PKLR: variants seen among roughly 807,000 people sequenced by gnomAD.
PKLR encodes pyruvate kinase L/R.
A neutral mutation model predicts 53.6 loss-of-function variants in PKLR; 38 were observed. The observed-to-expected ratio is 0.71, with a 90% CI of 0.55 to 0.93. The LOEUF (loss-of-function observed/expected upper bound fraction) is 0.93, where lower values mean the gene tolerates loss of function less well. PKLR is among the 40% of genes least tolerant of loss of function. The pLI, the probability that PKLR is intolerant of heterozygous loss-of-function variation, is 0.00. For missense variants in PKLR, 702 were observed against 787.3 expected (o/e 0.89, Z 1.30); for synonymous variants, 328 against 316.2 (o/e 1.04, Z -0.39).
intron 2 of PKLR, among the ~76,000 whole-genome samples, chr1:155,299,003 T>TTTC (rs1491287078): frequency 6.0e-5 from 6 of 100,754 alleles, no homozygotes; most frequent in Non-Finnish European, 1.1e-4. Flanking sequence ...TCTTTCTTTC[T>TTTC]TTCTTTCTTT....
In PKLR at chr1:155,293,354, C is replaced by T. The variant is rs1647339680; in HGVS notation, c.1270-11G>A. 1.2e-6 allele frequency: 2 copies of T among 1,614,228 alleles called. No homozygotes were observed. The highest frequency in any genetic ancestry group is 3.3e-5 in the Admixed American group (2 of 60,024). ...TGCCTCCCGGGCAATCTGCAGGTGC[C>T]AGAATGTTAGTCTGGGAAGGGGCAC... On this transcript the variant is annotated splice_polypyrimidine_tract_variant and intron_variant, in intron 8 of 10. Coordinates refer to ENST00000342741, the MANE Select transcript of PKLR (RefSeq NM_000298.6). This position sits in a 1 kb window ranked among gnomAD's most constrained non-coding sequence, Gnocchi z 4.2.
In PKLR at chr1:155,301,390, C is replaced by A. The variant is rs139697646; in HGVS notation, c.6G>T (p.Ser2=). The stretch of plus-strand genomic sequence containing the variant: ...GCAGGGATGATATGTTCTCCTGGAT[C>A]GACATGCTTTCAGTGTGGGCCTGGG... M[S]IQENISSLQL... The change falls in exon 1 of 11, where the codon TCG becomes TCT. Residue 2 remains serine (S), a synonymous_variant. Transcript: ENST00000342741. The A allele has an allele frequency of 6.8e-6, 11 of 1,613,822 alleles. No homozygotes were observed. Among genetic ancestry groups the A allele is most frequent in the Non-Finnish European group, 8.5e-6 (10 of 1,179,940 alleles).
At chr1:155,297,690 G>A (rs1343182165) in intron 2 of PKLR, among the ~76,000 whole-genome samples, 3 of 151,906 alleles carry the variant, frequency 2.0e-5, no homozygotes, top group Non-Finnish European at 2.9e-5. Context: ...CATTTCACTC[G>A]GAGGAAAACG....
chr1:155,297,373 C>T (rs1186898521), intron 2 of PKLR, among the ~76,000 whole-genome samples: 3 of 152,050 alleles, frequency 2.0e-5, no homozygotes, highest in Non-Finnish European at 4.4e-5. Flanking sequence ...ATGCATCGTT[C>T]CAGTTCCTTA....
In PKLR at chr1:155,293,781, A is replaced by G. The variant is rs867429139; in HGVS notation, c.1117-191T>C. Among the ~76,000 whole-genome samples the G allele has an allele frequency of 1.2e-4, 18 of 152,164 alleles. No individual in the cohort carries two copies. The highest frequency in any genetic ancestry group is 4.1e-4 in the African/African-American group (17 of 41,430). ...TCACAACCCCTGAAAATAGGGGTCAAAGTATATTTAACTTTGTCGTTTGAG... is the reference window on the plus strand; with the variant it reads ...TCACAACCCCTGAAAATAGGGGTCAGAGTATATTTAACTTTGTCGTTTGAG... On this transcript the variant is annotated intron_variant, in intron 7 of 10. Coordinates refer to ENST00000342741, the MANE Select transcript of PKLR (RefSeq NM_000298.6). The surrounding 1 kb of genome is among the most constrained non-coding windows in gnomAD (Gnocchi z 4.2).
At position 155,295,739 on chromosome 1, in the gene PKLR, C is replaced by A. The variant is rs143984223; in HGVS notation, c.301G>T (p.Val101Leu). The change falls in exon 3 of 11, where the codon GTG becomes TTG. Residue 101 changes from valine (V) to leucine (L), a missense_variant. By Grantham distance (32) the Val-to-Leu change is conservative. Around this residue, in one of 2 missense-constraint regions of PKLR, gnomAD observed 519 missense variants for 537.1 expected, o/e 0.97. Coordinates refer to ENST00000342741, the MANE Select transcript of PKLR (RefSeq NM_000298.6). This position sits in a 1 kb window ranked among gnomAD's most constrained non-coding sequence, Gnocchi z 4.3. Reference protein sequence around the residue: ...IATIGPASRSVERLKEMIKAG... With the variant: ...IATIGPASRSLERLKEMIKAG... ...TTGATCATCTCCTTGAGGCGCTCCA[C>A]GGAGCGAGATGCTGGCCCTAGAACC... 14 of 1,613,668 alleles carry A rather than the reference C, an allele frequency of 8.7e-6. No individual in the cohort carries two copies. The highest frequency in any genetic ancestry group is 1.2e-5 in the Non-Finnish European group (14 of 1,179,714).
chr1:155,302,846 A>C (rs1222092464), upstream of PKLR, among the ~76,000 whole-genome samples: 1 of 151,954 alleles, frequency 6.6e-6, no homozygotes, highest in Non-Finnish European at 1.5e-5. Context: ...CTACTTTTTA[A>C]ATTTTTATTT....
In PKLR at chr1:155,293,326, C is replaced by G. The variant is rs1408937465; in HGVS notation, c.1287G>C (p.Glu429Asp). The change falls in exon 9 of 11, where the codon GAG becomes GAC. Residue 429 changes from glutamate to aspartate, a missense_variant. Around this residue, in one of 2 missense-constraint regions of PKLR, gnomAD observed 183 missense variants for 250.2 expected, o/e 0.73. Coordinates refer to ENST00000342741, the MANE Select transcript of PKLR (RefSeq NM_000298.6). This position sits in a 1 kb window ranked among gnomAD's most constrained non-coding sequence, Gnocchi z 4.2. ...KMQHAIAREA[E>D]AAVYHRQLFE... is the part of the protein sequence containing the mutation. Reference sequence around the variant, plus strand: ...ACAGCTGCCGGTGGTACACTGCGGCCTCTGCCTCCCGGGCAATCTGCAGGT... The same window carrying G: ...ACAGCTGCCGGTGGTACACTGCGGCGTCTGCCTCCCGGGCAATCTGCAGGT... The G allele has an allele frequency of 6.2e-7, 1 of 1,614,136 alleles. No homozygotes were observed. Among genetic ancestry groups the G allele is most frequent in the Non-Finnish European group, 8.5e-7 (1 of 1,180,052 alleles).
rs1396216541 is a variant in PKLR, at chr1:155,295,145, C to A, written c.665G>T (p.Gly222Val). 6.2e-7 allele frequency: 1 copy of A among 1,614,120 alleles called. No homozygotes were observed. Among genetic ancestry groups the A allele is most frequent in the Non-Finnish European group, 8.5e-7 (1 of 1,179,990 alleles). The change falls in exon 5 of 11, where the codon GGG (glycine) becomes GTG (valine). Residue 222 changes from glycine to valine, a missense_variant. By Grantham distance (109) the Gly-to-Val change is moderately radical (BLOSUM62 -3). Transcript: ENST00000342741. The surrounding 1 kb of genome is among the most constrained non-coding windows in gnomAD (Gnocchi z 4.3). Reference protein sequence around the residue: ...PVGGRIYIDDGLISLVVQKIG... With the variant: ...PVGGRIYIDDVLISLVVQKIG... Reference sequence around the variant, plus strand: ...TTTCTGGACCACTAGGGAGATGAGCCCGTCGTCAATGTAGATGCGGCCCCC... The same window carrying A: ...TTTCTGGACCACTAGGGAGATGAGCACGTCGTCAATGTAGATGCGGCCCCC...
upstream of PKLR, among the ~76,000 whole-genome samples, chr1:155,303,625 T>C (rs1648145229): frequency 6.6e-6 from 1 of 152,166 alleles, no homozygotes; most frequent in Non-Finnish European, 1.5e-5. Flanking sequence ...TATTTTATTT[T>C]ATTTATTTAT....
Position 155,293,639 on chromosome 1 carries a change from G to C in PKLR, c.1117-49C>G, listed in dbSNP as rs8177979. The C allele has an allele frequency of 4.4e-6, 7 of 1,601,636 alleles. No homozygotes were observed. The South Asian group carries it at 7.7e-5, about 18-fold the overall frequency. On this transcript the variant is annotated intron_variant, in intron 7 of 10. Transcript: ENST00000342741. This position sits in a 1 kb window ranked among gnomAD's most constrained non-coding sequence, Gnocchi z 4.2. ...AGTTGTAGGACTCACACTGTGACTGGGGACCCTGCCCAAGCTACTTCTCTG... is the reference window on the plus strand; with the variant it reads ...AGTTGTAGGACTCACACTGTGACTGCGGACCCTGCCCAAGCTACTTCTCTG...
At chr1:155,299,014 C>CTTTCT (rs1647800124) in intron 2 of PKLR, among the ~76,000 whole-genome samples, 1 of 102,540 alleles carries the variant, frequency 9.8e-6, no homozygotes, top group African/African-American at 5.3e-5. Context: ...TTCTTTCTTT[C>CTTTCT]TTTCTTTCTT....
At chr1:155,290,853 G>A (rs1487368367) in intron 10 of PKLR, among the ~76,000 whole-genome samples, 175 bp from the exon 11 acceptor site, 3 of 151,924 alleles carry the variant, frequency 2.0e-5, no homozygotes, top group Non-Finnish European at 2.9e-5. Context: ...GCTGGGTGTG[G>A]TGGCGCATGC....
upstream of PKLR, among the ~76,000 whole-genome samples, chr1:155,305,131 ACT>A (rs1648197369): frequency 6.6e-6 from 1 of 152,178 alleles, no homozygotes; most frequent in Admixed American, 6.5e-5. Context: ...AACAAAGCCC[ACT>A]GTTATTAGAT....
At position 155,295,570 on chromosome 1, in the gene PKLR, T is replaced by G. The variant is rs1647537352; in HGVS notation, c.376-2A>C. On this transcript the variant is annotated splice_acceptor_variant, in intron 3 of 10. Transcript: ENST00000342741. LOFTEE classifies it high-confidence loss of function. This position sits in a 1 kb window ranked among gnomAD's most constrained non-coding sequence, Gnocchi z 4.3. ...GTTGGCGATGGACTCAGCATGGTAC[T>G]GGGGGAGGGAGCGGAGCGAGGGTTT... The G allele has an allele frequency of 1.2e-6, 2 of 1,613,892 alleles. No individual in the cohort carries two copies. Among genetic ancestry groups the G allele is most frequent in the Non-Finnish European group, 1.7e-6 (2 of 1,179,976 alleles).
intron 10 of PKLR, among the ~76,000 whole-genome samples, chr1:155,291,129 C>T (rs1674521035): frequency 6.6e-6 from 1 of 152,088 alleles, no homozygotes; most frequent in South Asian, 2.1e-4. Context: ...ACATCAAGGC[C>T]ATCCTGTAGG....
At position 155,301,341 on chromosome 1, in the gene PKLR, AC is replaced by A. The variant is rs1176262769; in HGVS notation, c.54del (p.Lys18AsnfsTer6). 1 of 1,613,710 alleles carries A rather than the reference AC, an allele frequency of 6.2e-7. No homozygotes were observed. Among genetic ancestry groups the A allele is most frequent in the Non-Finnish European group, 8.5e-7 (1 of 1,179,836 alleles). On this transcript the variant is annotated frameshift_variant, in exon 1 of 11. Transcript: ENST00000342741. LOFTEE classifies it high-confidence loss of function. The stretch of plus-strand genomic sequence containing the variant: ...ATGGACTTTGCTAAGTCTCTTTGGG[AC>A]TTAGAGACCCATGACCGAAGCTGCA... ...SSLQLRSWVS[K>X]SQRDLAKSIL...
chr1:155,297,273 C>T (rs1191605107), intron 2 of PKLR, among the ~76,000 whole-genome samples: 1 of 152,142 alleles, frequency 6.6e-6, no homozygotes, highest in African/African-American at 2.4e-5. Context: ...ATTTGGATGG[C>T]TAATAAGCAT....
rs201169481 is a variant in PKLR, at chr1:155,301,397, C to A, written c.-2G>T. The A allele has an allele frequency of 7.4e-6, 12 of 1,613,910 alleles. No individual in the cohort carries two copies. The African/African-American group carries it at 1.1e-4, about 14-fold the overall frequency. ...TGATATGTTCTCCTGGATCGACATGCTTTCAGTGTGGGCCTGGGGCTGCGG... is the reference window on the plus strand; with the variant it reads ...TGATATGTTCTCCTGGATCGACATGATTTCAGTGTGGGCCTGGGGCTGCGG... On this transcript the variant is annotated 5_prime_UTR_variant, in exon 1 of 11. Transcript: ENST00000342741.
Sources: gnomAD v4.1 joint callset for allele counts (sites outside exome capture counted in the v4.1 genomes callset) on GRCh38, gnomAD v4.1.1 for gene constraint, gnomAD v4.1.1 regional missense constraint, Gnocchi (gnomAD v3.1) non-coding constraint, MANE v1.5 for transcripts, NCBI Gene and HGNC (gene_info 2026-07-23, HGNC 2026-07-21) for gene names.